Variants in EYS observed in about 807,000 individuals in gnomAD.
The protein encoded by EYS is protein eyes shut homolog.
A neutral mutation model predicts 282.1 loss-of-function variants in EYS; 250 were observed. The ratio of observed to expected loss-of-function variants is 0.89; its 90% CI spans 0.80 to 0.98. The LOEUF is 0.98. Among genes scored for constraint, EYS ranks in the 50% least tolerant of loss-of-function variants. The pLI, the probability that EYS is intolerant of heterozygous loss-of-function variation, is 0.00. For missense variants in EYS, 4,016 were observed against 3,709.0 expected (o/e 1.08, Z -2.15); for synonymous variants, 1,355 against 1,282.9 (o/e 1.06, Z -1.20).
intron 26 of EYS, among the ~76,000 whole-genome samples, chr6:64,465,217 T>C (rs954422560): frequency 2.0e-5 from 3 of 152,052 alleles, no homozygotes; most frequent in Non-Finnish European, 2.9e-5. Context: ...ATGTAATCCC[T>C]GTCAACATCT....
chr6:64,563,904 A>T (rs979952628), intron 26 of EYS, among the ~76,000 whole-genome samples: 1 of 151,988 alleles, frequency 6.6e-6, no homozygotes, highest in Admixed American at 6.6e-5. Context: ...TTTTATTTTT[A>T]AAATTTATAA....
chr6:64,926,709 AGT>A (rs1468077425), intron 15 of EYS, among the ~76,000 whole-genome samples: 2 of 152,178 alleles, frequency 1.3e-5, no homozygotes, highest in Non-Finnish European at 2.9e-5. Flanking sequence ...AGAAGTTCAC[AGT>A]GTGAATCTTT....
At chr6:65,448,606 C>T (rs1316953591) in intron 5 of EYS, among the ~76,000 whole-genome samples, 1 of 151,900 alleles carries the variant, frequency 6.6e-6, no homozygotes. Flanking sequence ...ATATTTTGTT[C>T]ATTGGCACAC....
At chr6:65,006,503 CAAAA>C (rs59057058) in intron 13 of EYS, among the ~76,000 whole-genome samples, 1,737 of 83,330 alleles carry the variant, frequency 0.021, 44 homozygotes, top group African/African-American at 0.079. Flanking sequence ...TATTCTAAGT[CAAAA>C]AAAAAAAAAA....
At chr6:64,419,382 C>T (rs779053291) in intron 28 of EYS, among the ~76,000 whole-genome samples, 2 of 152,096 alleles carry the variant, frequency 1.3e-5, no homozygotes, top group African/African-American at 4.8e-5. Context: ...CATTCTATCC[C>T]GGGCCCCTCC....
chr6:64,460,517 T>A (rs531431122), intron 26 of EYS, among the ~76,000 whole-genome samples: 1 of 152,356 alleles, frequency 6.6e-6, no homozygotes, highest in African/African-American at 2.4e-5. Context: ...AAGCAATGTT[T>A]AGAGAGTCAC....
rs142279105 is a variant in EYS, at chr6:64,845,525, A to ATCTCTC, written c.2993-22709_2993-22704dup. Among the ~76,000 whole-genome samples, 346 of 147,652 alleles carry ATCTCTC rather than the reference A, an allele frequency of 2.3e-3. 1 individual carries two copies. The highest frequency in any genetic ancestry group is 0.017 in the Middle Eastern group (5 of 290). On this transcript the variant is annotated intron_variant, in intron 19 of 42. Transcript: ENST00000503581. ...TTCAAGTTTCTTCCAACAAAAAATA[A>ATCTCTC]TCTCTCTCTCTCTCTCTCTCTGTCA...
intron 31 of EYS, among the ~76,000 whole-genome samples, chr6:64,156,816 C>A (rs1259625765): frequency 1.3e-5 from 2 of 152,008 alleles, no homozygotes; most frequent in African/African-American, 2.4e-5. Context: ...AATTTCTAAG[C>A]AGCAAAGCAT....
chr6:65,428,457 C>G (rs1767747649), intron 5 of EYS, among the ~76,000 whole-genome samples: 2 of 151,894 alleles, frequency 1.3e-5, no homozygotes, highest in Non-Finnish European at 2.9e-5. Context: ...TATATTAACT[C>G]ATTTAAATAT....
intron 37 of EYS, among the ~76,000 whole-genome samples, chr6:63,792,636 T>A (rs1770546510): frequency 6.6e-6 from 1 of 151,900 alleles, no homozygotes; most frequent in African/African-American, 2.4e-5. Context: ...CTAGAACCTG[T>A]CTTATACCAC....
At chr6:64,983,676 T>G (rs1454057682) in intron 14 of EYS, among the ~76,000 whole-genome samples, 1 of 151,448 alleles carries the variant, frequency 6.6e-6, no homozygotes, top group Admixed American at 6.6e-5. Context: ...ATGAAGTGGA[T>G]ATGCTGATTT....
intron 36 of EYS, among the ~76,000 whole-genome samples, chr6:63,820,967 T>G (rs1771307584): frequency 6.6e-6 from 1 of 152,142 alleles, no homozygotes; most frequent in Non-Finnish European, 1.5e-5. Flanking sequence ...CTCAAAAGCT[T>G]TGAAATGTTA....
intron 5 of EYS, among the ~76,000 whole-genome samples, chr6:65,425,689 T>A (rs1040397221): frequency 6.6e-6 from 1 of 152,130 alleles, no homozygotes. Flanking sequence ...AGAATCCTTT[T>A]ATTACTCATA....
chr6:63,970,496 C>T (rs1031082754), intron 35 of EYS, among the ~76,000 whole-genome samples: 2 of 152,074 alleles, frequency 1.3e-5, no homozygotes, highest in South Asian at 4.1e-4. Flanking sequence ...TTAGCTGGGC[C>T]TGGTGGCGGG....
chr6:64,047,765 G>T (rs866411065), intron 33 of EYS, among the ~76,000 whole-genome samples: 23 of 152,140 alleles, frequency 1.5e-4, no homozygotes, highest in African/African-American at 5.6e-4. Context: ...TAAGTCACTT[G>T]CTTGGACAAA....
intron 2 of EYS, among the ~76,000 whole-genome samples, chr6:65,562,031 ATGTATATAATAATTTT>A (rs1319060634): frequency 6.6e-6 from 1 of 151,390 alleles, no homozygotes; most frequent in African/African-American, 2.4e-5. Flanking sequence ...CATGCTATAT[ATGTATATAATAATTTT>A]TGTATATAAT....
chr6:64,905,554 G>C (rs529108215), intron 16 of EYS, among the ~76,000 whole-genome samples: 1 of 152,112 alleles, frequency 6.6e-6, no homozygotes, highest in Non-Finnish European at 1.5e-5. Flanking sequence ...GTCAGTAAAT[G>C]ATATTTTTAT....
chr6:64,381,031 A>G (rs914056479), intron 29 of EYS, among the ~76,000 whole-genome samples: 3 of 152,058 alleles, frequency 2.0e-5, no homozygotes, highest in African/African-American at 7.2e-5. Context: ...AAAAAAAAAA[A>G]AAAAGATTAC....
chr6:65,063,148 A>C (rs1773628850), intron 12 of EYS, among the ~76,000 whole-genome samples: 1 of 152,100 alleles, frequency 6.6e-6, no homozygotes, highest in African/African-American at 2.4e-5. Flanking sequence ...GAATTATAAG[A>C]ACTTAATTTA....
Sources: gnomAD v4.1 joint callset for allele counts (sites outside exome capture counted in the v4.1 genomes callset) on GRCh38, gnomAD v4.1.1 for gene constraint, MANE v1.5 for transcripts, NCBI Gene and HGNC (gene_info 2026-07-23, HGNC 2026-07-21) for gene names.